Variants in CSMD1 observed in about 807,000 individuals in gnomAD.
CSMD1 encodes CUB and Sushi multiple domains 1.
A neutral mutation model predicts 417.5 loss-of-function variants in CSMD1; 213 were observed. The ratio of observed to expected loss-of-function variants is 0.51; its 90% CI spans 0.46 to 0.57. The LOEUF is 0.57. Ranked by LOEUF, CSMD1 falls within the 20% of genes least tolerant of loss-of-function variation. CSMD1 has a pLI of 0.00. For synonymous variants in CSMD1, 2,862 were observed against 1,736.8 expected, an observed-to-expected ratio of 1.65 and a Z score of -16.11; for missense variants, 6,923 against 4,529.7, an observed-to-expected ratio of 1.53 and a Z score of -15.17.
chr8:3,966,429 T>C (rs1256327783), intron 5 of CSMD1, among the ~76,000 whole-genome samples: 3 of 152,146 alleles, frequency 2.0e-5, no homozygotes, highest in Non-Finnish European at 4.4e-5. Flanking sequence ...TCAGGTATTA[T>C]ATATAATTAC....
chr8:4,778,145 T>C (rs1234837926), intron 1 of CSMD1, among the ~76,000 whole-genome samples: 2 of 152,176 alleles, frequency 1.3e-5, no homozygotes, highest in Non-Finnish European at 2.9e-5. Context: ...TTAATATAAA[T>C]ATACATTACA....
chr8:4,476,171 G>T (rs1800793114), intron 2 of CSMD1, among the ~76,000 whole-genome samples: 1 of 151,768 alleles, frequency 6.6e-6, no homozygotes, highest in African/African-American at 2.4e-5. Context: ...TTAAAATATA[G>T]TTTGCTTCAC....
intron 7 of CSMD1, among the ~76,000 whole-genome samples, chr8:3,700,875 G>A (rs1265305088): frequency 3.9e-5 from 6 of 152,184 alleles, no homozygotes; most frequent in African/African-American, 9.7e-5. Flanking sequence ...AGGGTCTGGA[G>A]AAGAGGAAGG....
At chr8:3,447,163 T>C (rs1398817975) in intron 12 of CSMD1, among the ~76,000 whole-genome samples, 1 of 152,134 alleles carries the variant, frequency 6.6e-6, no homozygotes, top group South Asian at 2.1e-4. Flanking sequence ...CGGGCACTGA[T>C]GAAAAGATGA....
intron 41 of CSMD1, among the ~76,000 whole-genome samples, chr8:3,125,796 G>C (rs985368854): frequency 6.6e-6 from 1 of 152,180 alleles, no homozygotes; most frequent in Admixed American, 6.5e-5. Context: ...GGCCAACATG[G>C]TGAAATCCTA....
At chr8:4,966,488 C>G (rs1176903308) in intron 1 of CSMD1, among the ~76,000 whole-genome samples, 2 of 152,148 alleles carry the variant, frequency 1.3e-5, no homozygotes, top group Non-Finnish European at 2.9e-5. Flanking sequence ...CAATGGGACA[C>G]ATCGCGAGGC....
At chr8:3,045,025 C>T (rs1265671172) in intron 50 of CSMD1, among the ~76,000 whole-genome samples, 5 of 152,068 alleles carry the variant, frequency 3.3e-5, no homozygotes, top group Non-Finnish European at 4.4e-5. Flanking sequence ...AACAATCCCC[C>T]GAATAAAAAT....
intron 3 of CSMD1, among the ~76,000 whole-genome samples, chr8:4,259,359 C>A (rs1224568795): frequency 6.6e-6 from 1 of 152,088 alleles, no homozygotes; most frequent in Non-Finnish European, 1.5e-5. Context: ...GGAAAGCGAG[C>A]GGATCTCAAG....
intron 26 of CSMD1, among the ~76,000 whole-genome samples, chr8:3,267,128 G>T (rs1246369086): frequency 6.6e-6 from 1 of 152,160 alleles, no homozygotes; most frequent in Non-Finnish European, 1.5e-5. Flanking sequence ...TCCACCCAGA[G>T]GTCGTCCCGC....
intron 10 of CSMD1, among the ~76,000 whole-genome samples, chr8:3,563,058 T>G (rs1363494124): frequency 6.6e-6 from 1 of 152,124 alleles, no homozygotes; most frequent in Non-Finnish European, 1.5e-5. Context: ...TGCTTGGTCA[T>G]GATCTGGGTG....
intron 1 of CSMD1, among the ~76,000 whole-genome samples, chr8:4,883,543 A>G (rs753765829): frequency 8.5e-5 from 13 of 152,124 alleles, no homozygotes; most frequent in Non-Finnish European, 1.8e-4. Flanking sequence ...AAATCTAGAC[A>G]TTTGCCAATT....
intron 3 of CSMD1, among the ~76,000 whole-genome samples, chr8:4,204,176 T>C (rs1013995477): frequency 2.6e-5 from 4 of 152,140 alleles, no homozygotes; most frequent in Admixed American, 6.5e-5. Flanking sequence ...TGTGCCCATG[T>C]GGTGCTGTGT....
intron 3 of CSMD1, among the ~76,000 whole-genome samples, chr8:4,392,610 G>C (rs768464691): frequency 6.6e-6 from 1 of 151,562 alleles, no homozygotes; most frequent in Non-Finnish European, 1.5e-5. Flanking sequence ...AATTGAATAG[G>C]ATATGAGAAA....
intron 1 of CSMD1, among the ~76,000 whole-genome samples, chr8:4,766,692 C>T (rs1447659853): frequency 6.6e-6 from 1 of 152,176 alleles, no homozygotes; most frequent in Non-Finnish European, 1.5e-5. Context: ...AGGGAATGAA[C>T]TCCGAACTCA....
intron 5 of CSMD1, among the ~76,000 whole-genome samples, chr8:3,924,584 A>G (rs1302650902): frequency 6.6e-6 from 1 of 152,090 alleles, no homozygotes; most frequent in African/African-American, 2.4e-5. Context: ...TGACTGGATA[A>G]TTTTAAATGA....
intron 39 of CSMD1, among the ~76,000 whole-genome samples, chr8:3,154,339 G>A (rs1288998417): frequency 6.6e-6 from 1 of 152,176 alleles, no homozygotes; most frequent in East Asian, 1.9e-4. Flanking sequence ...ATCTCTGTGT[G>A]GTCATCAAGT....
chr8:4,559,039 C>G (rs887664555), intron 2 of CSMD1, among the ~76,000 whole-genome samples: 2 of 152,070 alleles, frequency 1.3e-5, no homozygotes, highest in Admixed American at 6.6e-5. Flanking sequence ...CAAAGTCCCC[C>G]TTTGGAGCCC....
intron 2 of CSMD1, among the ~76,000 whole-genome samples, chr8:4,593,128 G>A (rs150620257): frequency 1.1e-4 from 17 of 152,296 alleles, no homozygotes; most frequent in African/African-American, 4.1e-4. Flanking sequence ...TTCTTAGGGT[G>A]AATGGAGGAT....
At chr8:4,373,254 G>T (rs1296259470) in intron 3 of CSMD1, among the ~76,000 whole-genome samples, 1 of 152,132 alleles carries the variant, frequency 6.6e-6, no homozygotes, top group African/African-American at 2.4e-5. Flanking sequence ...AGCCTACGAA[G>T]GTATGATAAG....
Sources: allele counts gnomAD v4.1 joint callset (sites outside exome capture counted in the v4.1 genomes callset), GRCh38; gene constraint gnomAD v4.1.1; transcripts MANE v1.5; gene names NCBI Gene and HGNC (gene_info 2026-07-23, HGNC 2026-07-21).